Variants in TMEM67 observed in about 807,000 individuals in gnomAD.
TMEM67 encodes transmembrane protein 67.
In TMEM67, 124 loss-of-function variants were observed where a neutral mutation model predicts 136.6. The observed-to-expected ratio is 0.91, with a 90% CI of 0.78 to 1.05. The LOEUF is 1.05. Among genes scored for constraint, TMEM67 ranks in the 50% least tolerant of loss-of-function variants. TMEM67 has a pLI of 0.00. For missense variants in TMEM67, 1,107 were observed against 1,178.4 expected (o/e 0.94, Z 0.89); for synonymous variants, 364 against 390.5 (o/e 0.93, Z 0.80).
chr8:93,796,833 A>T (rs1414881890), intron 18 of TMEM67, among the ~76,000 whole-genome samples: 1 of 152,206 alleles, frequency 6.6e-6, no homozygotes, highest in Non-Finnish European at 1.5e-5. Flanking sequence ...AGAGTCAATT[A>T]TATAAGTCCC....
chr8:93,816,380 A>C lies in TMEM67; in HGVS notation c.2916A>C (p.Arg972Ser). The C allele has an allele frequency of 6.5e-7, 1 of 1,533,088 alleles. No homozygotes were observed. Among genetic ancestry groups the C allele is most frequent in the Non-Finnish European group, 9.0e-7 (1 of 1,117,158 alleles). 95.0% of individuals were successfully genotyped at this position (1,533,088 alleles called of 1,614,324 possible). The change falls in exon 28 of 28, where the codon AGA becomes AGC. Residue 972 changes from arginine (R) to serine (S), a missense_variant. Physicochemically the swap from Arg to Ser is moderately radical, Grantham distance 110 (BLOSUM62 -1). Transcript: ENST00000453321. ...FLTYLQQEIF[R>S]YIRNTVGQKN... ...TTGTTTTAATTTTCCAGATTTTTAGATATATCCGTAATACAGTAGGACAAA... is the reference window on the plus strand; with the variant it reads ...TTGTTTTAATTTTCCAGATTTTTAGCTATATCCGTAATACAGTAGGACAAA...
chr8:93,775,498 A>G (rs376550392), intron 7 of TMEM67, among the ~76,000 whole-genome samples: 4 of 152,318 alleles, frequency 2.6e-5, no homozygotes, highest in South Asian at 4.1e-4. Flanking sequence ...CTAGCATTTA[A>G]GTCTTTAAAC....
At chr8:93,808,501 T>C (rs1808538710) in intron 23 of TMEM67, among the ~76,000 whole-genome samples, 1 of 144,508 alleles carries the variant, frequency 6.9e-6, no homozygotes, top group Non-Finnish European at 1.5e-5. Context: ...AGATCTATTA[T>C]AGATGAATAT....
upstream of TMEM67, chr8:93,754,876 T>TG (rs145334032): frequency 1.0e-4 from 158 of 1,587,032 alleles, no homozygotes; most frequent in East Asian, 2.0e-4. Context: ...CAGAGGCTGA[T>TG]GGGGGGCTGG....
downstream of TMEM67, among the ~76,000 whole-genome samples, chr8:93,821,050 G>A (rs1022770072): frequency 5.9e-5 from 9 of 152,184 alleles, no homozygotes; most frequent in African/African-American, 2.2e-4. Flanking sequence ...GTCCACGGGT[G>A]TGTGGATATG....
chr8:93,814,068 G>T (rs556602967), intron 26 of TMEM67, among the ~76,000 whole-genome samples: 2 of 152,018 alleles, frequency 1.3e-5, no homozygotes, highest in African/African-American at 4.8e-5. Flanking sequence ...GTGTCCATGG[G>T]CTGCTTCAGT....
intron 7 of TMEM67, among the ~76,000 whole-genome samples, chr8:93,777,554 C>T (rs993284944): frequency 4.6e-5 from 7 of 152,138 alleles, no homozygotes; most frequent in Non-Finnish European, 8.8e-5. Flanking sequence ...TACATTGTAT[C>T]TTTGTTCTCA....
the TMEM67 span, among the ~76,000 whole-genome samples, chr8:93,828,249 G>T: frequency 6.6e-6 from 1 of 152,124 alleles, no homozygotes; most frequent in Non-Finnish European, 1.5e-5. Flanking sequence ...CCTCTGGAAG[G>T]TCCTACCTCT....
chr8:93,790,575 A>T (rs140908126), intron 14 of TMEM67, among the ~76,000 whole-genome samples: 2 of 152,166 alleles, frequency 1.3e-5, no homozygotes, highest in Non-Finnish European at 2.9e-5. Flanking sequence ...GCTTGCTATT[A>T]TATCTCTTCT....
rs1188649369 is a variant in TMEM67, at chr8:93,755,071, C to T, written c.157C>T (p.Gln53Ter). The T allele has an allele frequency of 1.2e-6, 2 of 1,614,178 alleles. No individual in the cohort carries two copies. The highest frequency in any genetic ancestry group is 8.5e-7 in the Non-Finnish European group (1 of 1,180,036). ...FQQPEKCDNNQYFDISALSCV... is the reference protein window; with the variant it reads ...FQQPEKCDNN ...GCAGCCGGAGAAGTGCGACAACAAC[C>T]AGTACTTTGATATCTCCGCCCTCTC... The change falls in exon 1 of 28, where the codon CAG becomes TAG. Residue 53 changes from glutamine to a stop codon, truncating the protein, a stop_gained. Coordinates refer to ENST00000453321, the MANE Select transcript of TMEM67 (RefSeq NM_153704.6). LOFTEE classifies it high-confidence loss of function.
chr8:93,805,349 C>G (rs573694005), intron 23 of TMEM67, among the ~76,000 whole-genome samples: 2 of 151,916 alleles, frequency 1.3e-5, no homozygotes, highest in Admixed American at 1.3e-4. Flanking sequence ...TTTGGGAGGC[C>G]GAGGTGGGCA....
intron 23 of TMEM67, among the ~76,000 whole-genome samples, chr8:93,805,161 G>A (rs1387038556): frequency 1.3e-5 from 2 of 152,056 alleles, no homozygotes; most frequent in Non-Finnish European, 2.9e-5. Flanking sequence ...TAGTAGAGAC[G>A]AGGTTTCACC....
intron 26 of TMEM67, among the ~76,000 whole-genome samples, chr8:93,814,467 T>C: frequency 6.7e-6 from 1 of 150,308 alleles, no homozygotes; most frequent in African/African-American, 2.5e-5. Context: ...GGCTTTTTTT[T>C]GTTTTTTTTT....
intron 6 of TMEM67, among the ~76,000 whole-genome samples, chr8:93,771,716 G>T (rs1013397188): frequency 6.6e-6 from 1 of 152,118 alleles, no homozygotes; most frequent in Non-Finnish European, 1.5e-5. Context: ...GGCATTGTAT[G>T]TGGCTCCATT....
chr8:93,766,030 G>A (rs1813067636), intron 6 of TMEM67, among the ~76,000 whole-genome samples: 2 of 152,064 alleles, frequency 1.3e-5, no homozygotes, highest in African/African-American at 2.4e-5. Context: ...CTGTAAGTTG[G>A]ACATAATAAA....
chr8:93,831,661 C>T, the TMEM67 span, among the ~76,000 whole-genome samples: 1 of 151,978 alleles, frequency 6.6e-6, no homozygotes, highest in South Asian at 2.1e-4. Flanking sequence ...TGCATGAGTG[C>T]ATGCATGTGC....
intron 7 of TMEM67, among the ~76,000 whole-genome samples, chr8:93,779,749 C>T (rs1268508762): frequency 6.6e-6 from 1 of 152,276 alleles, no homozygotes; most frequent in African/African-American, 2.4e-5. Flanking sequence ...CTGGAAGCTT[C>T]GTCCCAGAGG....
At chr8:93,757,617 A>G (rs1456919857) in intron 2 of TMEM67, among the ~76,000 whole-genome samples, 1 of 151,494 alleles carries the variant, frequency 6.6e-6, no homozygotes, top group African/African-American at 2.4e-5. Flanking sequence ...GCCTGGCAAC[A>G]GAGCAAAGAC....
rs1387057511 is a variant in TMEM67, at chr8:93,817,114, C to T, written c.*662C>T. The T allele has an allele frequency of 2.6e-5, 4 of 152,170 alleles. No individual in the cohort carries two copies. The highest frequency in any genetic ancestry group is 5.9e-5 in the Non-Finnish European group (4 of 68,042). The allele number at this position is 152,170 out of a possible 1,614,324, so 9.4% of individuals were successfully genotyped here. Reference sequence around the variant, plus strand: ...ATATTTGCATTTCTAATATAGTTTACATTTATTAAGTTATAACGTATGACA... The same window carrying T: ...ATATTTGCATTTCTAATATAGTTTATATTTATTAAGTTATAACGTATGACA... On this transcript the variant is annotated 3_prime_UTR_variant, in exon 28 of 28. Coordinates refer to ENST00000453321, the MANE Select transcript of TMEM67 (RefSeq NM_153704.6).
Sources: gnomAD v4.1 joint callset for allele counts (sites outside exome capture counted in the v4.1 genomes callset) on GRCh38, gnomAD v4.1.1 for gene constraint, MANE v1.5 for transcripts, NCBI Gene and HGNC (gene_info 2026-07-23, HGNC 2026-07-21) for gene names.